Variants in SERINC5 observed in about 807,000 individuals in gnomAD.
SERINC5 encodes the protein serine incorporator 5.
In SERINC5, 41 loss-of-function variants were observed where a neutral mutation model predicts 63.1. That is an observed-to-expected ratio of 0.65 (90% CI 0.51 to 0.84). The LOEUF is 0.84. SERINC5 is among the 40% of genes least tolerant of loss of function. SERINC5 has a pLI of 0.00. For synonymous variants in SERINC5, 222 were observed against 215.2 expected (o/e 1.03, Z -0.28); for missense variants, 523 against 573.0 (o/e 0.91, Z 0.89).
chr5:80,204,067 C>T (rs959264904), intron 1 of SERINC5, among the ~76,000 whole-genome samples: 4 of 152,200 alleles, frequency 2.6e-5, no homozygotes, highest in Non-Finnish European at 4.4e-5. Flanking sequence ...TCCAAGGGAA[C>T]GATGCTCTGG....
At chr5:80,154,179 C>T (rs1446871360) in intron 8 of SERINC5, among the ~76,000 whole-genome samples, 2 of 151,722 alleles carry the variant, frequency 1.3e-5, no homozygotes, top group African/African-American at 4.8e-5. Context: ...CTTTTTCTTT[C>T]TTTCCTTTTT....
chr5:80,203,067 A>T lies in SERINC5; in HGVS notation c.28-14T>A. The T allele has an allele frequency of 1.3e-6, 2 of 1,593,242 alleles. No homozygotes were observed. Among genetic ancestry groups the T allele is most frequent in the Non-Finnish European group, 1.7e-6 (2 of 1,169,116 alleles). On this transcript the variant is annotated splice_polypyrimidine_tract_variant and intron_variant, in intron 1 of 11. Transcript: ENST00000507668. ...GCAGCAGGCCAGCTAGAAAAGGAACAGAAGGCATCTGCTTAGAGCATGATA... is the reference window on the plus strand; with the variant it reads ...GCAGCAGGCCAGCTAGAAAAGGAACTGAAGGCATCTGCTTAGAGCATGATA...
chr5:80,132,453 G>A (rs1298115970), intron 11 of SERINC5, among the ~76,000 whole-genome samples: 3 of 152,092 alleles, frequency 2.0e-5, no homozygotes, highest in Non-Finnish European at 4.4e-5. Context: ...CCACCTTGTT[G>A]TATCTCCTCA....
At chr5:80,207,575 TA>T (rs1407638482) in intron 1 of SERINC5, among the ~76,000 whole-genome samples, 1 of 152,202 alleles carries the variant, frequency 6.6e-6, no homozygotes, top group Non-Finnish European at 1.5e-5. Context: ...GGTTTAACCC[TA>T]TTCTGTCATT....
At chr5:80,243,664 G>C (rs1752042548) in intron 1 of SERINC5, among the ~76,000 whole-genome samples, 1 of 151,924 alleles carries the variant, frequency 6.6e-6, no homozygotes, top group Non-Finnish European at 1.5e-5. Context: ...CTAACACTTT[G>C]AGAGGCCAAG....
downstream of SERINC5, among the ~76,000 whole-genome samples, chr5:80,134,736 TC>T (rs1309924119): frequency 6.6e-6 from 1 of 152,184 alleles, no homozygotes; most frequent in African/African-American, 2.4e-5. Flanking sequence ...TTTGTTAAAA[TC>T]CCAGAAAGAT....
intron 1 of SERINC5, among the ~76,000 whole-genome samples, chr5:80,210,993 C>T (rs894730323): frequency 2.0e-5 from 3 of 152,160 alleles, no homozygotes; most frequent in African/African-American, 7.2e-5. Flanking sequence ...CTGCCACAGG[C>T]ATGGAAAGAG....
At chr5:80,113,905 C>G (rs116783425) in intron 11 of SERINC5, among the ~76,000 whole-genome samples, 1 of 151,950 alleles carries the variant, frequency 6.6e-6, no homozygotes, top group Non-Finnish European at 1.5e-5. Flanking sequence ...TGTGCCCCCC[C>G]ACCCATGCCT....
chr5:80,171,111 A>G (rs1307023234), intron 5 of SERINC5, among the ~76,000 whole-genome samples: 2 of 152,070 alleles, frequency 1.3e-5, no homozygotes, highest in African/African-American at 4.8e-5. Flanking sequence ...CCCAGGTTCA[A>G]GTAATTCTCT....
At chr5:80,236,811 G>A (rs574259307) in intron 1 of SERINC5, among the ~76,000 whole-genome samples, 2 of 152,008 alleles carry the variant, frequency 1.3e-5, no homozygotes, top group South Asian at 4.2e-4. Flanking sequence ...ACAGGCATGA[G>A]CCACCGCACC....
At chr5:80,216,312 G>A (rs948360054) in intron 1 of SERINC5, among the ~76,000 whole-genome samples, 1 of 152,166 alleles carries the variant, frequency 6.6e-6, no homozygotes, top group African/African-American at 2.4e-5. Flanking sequence ...CCTGCAAGGC[G>A]TGATGATCAG....
downstream of SERINC5, among the ~76,000 whole-genome samples, chr5:80,135,588 A>G (rs900223393): frequency 6.6e-6 from 1 of 151,308 alleles, no homozygotes; most frequent in African/African-American, 2.5e-5. Flanking sequence ...TTTGCAGTGC[A>G]GTTTAAACAG....
chr5:80,166,951 C>T (rs1168632066), intron 6 of SERINC5: 4 of 153,854 alleles, frequency 2.6e-5, no homozygotes, highest in African/African-American at 9.7e-5. Context: ...GGGCAAAAAG[C>T]TCTTACCTGC....
intron 11 of SERINC5, among the ~76,000 whole-genome samples, chr5:80,120,106 C>T (rs1163586990): frequency 1.3e-5 from 2 of 152,166 alleles, no homozygotes; most frequent in African/African-American, 4.8e-5. Context: ...GGTGTTAATT[C>T]AATGATAATT....
At chr5:80,213,293 T>C (rs1178254695) in intron 1 of SERINC5, among the ~76,000 whole-genome samples, 2 of 151,808 alleles carry the variant, frequency 1.3e-5, no homozygotes, top group Non-Finnish European at 2.9e-5. Flanking sequence ...ATCATAATAT[T>C]AGTTAGCAAT....
chr5:80,254,715 G>A (rs1315970647), intron 1 of SERINC5, among the ~76,000 whole-genome samples: 1 of 152,102 alleles, frequency 6.6e-6, no homozygotes, highest in Non-Finnish European at 1.5e-5. Flanking sequence ...GCCTGACACA[G>A]GGAAAAAAAA....
At position 80,142,229 on chromosome 5, in the gene SERINC5, G is replaced by A. The variant is rs542810097; in HGVS notation, c.*1434C>T. ...ACACTGAAAATAGGCATCATCTTGG[G>A]TAGCTGCCGAAAGTCACGTTTCTGT... On this transcript the variant is annotated 3_prime_UTR_variant, in exon 12 of 12. Transcript: ENST00000507668. 4 of 982,908 alleles carry A rather than the reference G, an allele frequency of 4.1e-6. No homozygotes were observed. Among genetic ancestry groups the A allele is most frequent in the Non-Finnish European group, 4.8e-6 (4 of 828,998 alleles). The allele number at this position is 982,908 out of a possible 1,614,324, so 60.9% of individuals were successfully genotyped here.
intron 11 of SERINC5, among the ~76,000 whole-genome samples, chr5:80,116,983 C>A (rs997227524): frequency 6.6e-6 from 1 of 151,966 alleles, no homozygotes; most frequent in Admixed American, 6.6e-5. Context: ...CGAGTGCCAC[C>A]AGGCCCATCT....
chr5:80,229,272 C>T (rs1380037776), intron 1 of SERINC5, among the ~76,000 whole-genome samples: 1 of 151,634 alleles, frequency 6.6e-6, no homozygotes, highest in Non-Finnish European at 1.5e-5. Flanking sequence ...GATCCACCTG[C>T]CTTGGTCTCC....
Sources: gnomAD v4.1 joint callset for allele counts (sites outside exome capture counted in the v4.1 genomes callset) on GRCh38, gnomAD v4.1.1 for gene constraint, MANE v1.5 for transcripts, NCBI Gene and HGNC (gene_info 2026-07-23, HGNC 2026-07-21) for gene names.